Variants in MYCL observed in about 807,000 individuals in gnomAD.
The protein encoded by MYCL is MYCL proto-oncogene, bHLH transcription factor.
MYCL carries 11 observed loss-of-function variants against 31.0 expected under a neutral mutation model. The observed-to-expected ratio is 0.35, with a 90% CI of 0.22 to 0.59. The LOEUF is 0.59. Ranked by LOEUF, MYCL falls within the 20% of genes least tolerant of loss-of-function variation. The pLI is 0.79. For synonymous variants in MYCL, 208 were observed against 202.4 expected (o/e 1.03, Z -0.23); for missense variants, 427 against 486.1 (o/e 0.88, Z 1.14).
At position 39,901,140 on chromosome 1, in the gene MYCL, A is replaced by C. The variant is rs1160687942; in HGVS notation, c.295T>G (p.Phe99Val). 6.2e-7 allele frequency: 1 copy of C among 1,610,988 alleles called. No homozygotes were observed. Among genetic ancestry groups the C allele is most frequent in the East Asian group, 2.2e-5 (1 of 44,748 alleles). ...CTCTCCAGCCGTTCCCGGGCCGAGA[A>C]GCCGCTCCACATGCAGTCACGGCGT... Reference protein sequence around the residue: ...IIRRDCMWSGFSARERLERAV... With the variant: ...IIRRDCMWSGVSARERLERAV... Residue 99 changes from phenylalanine (F) to valine (V), a missense_variant, in exon 1 of 2, where the codon TTC becomes GTC. By Grantham distance (50) the Phe-to-Val change is conservative. Transcript: ENST00000372816. The surrounding 1 kb of genome is among the most constrained non-coding windows in gnomAD (Gnocchi z 6.9).
chr1:39,901,487 G>C lies in MYCL; in HGVS notation c.-53C>G, dbSNP rs747154225. ...GACGTGCTGACCGGGTGCCGGCCGG[G>C]CGAAGGAGGTGTCCCCGGGTCCCTC... On this transcript the variant is annotated 5_prime_UTR_variant, in exon 1 of 2. Transcript: ENST00000372816. The surrounding 1 kb of genome is among the most constrained non-coding windows in gnomAD (Gnocchi z 6.9). 5.7e-6 allele frequency: 9 copies of C among 1,586,296 alleles called. No individual in the cohort carries two copies. Among genetic ancestry groups the C allele is most frequent in the African/African-American group, 2.7e-5 (2 of 74,550 alleles).
intron 1 of MYCL, 71 bp downstream of exon 1, chr1:39,900,868 C>A (rs1212482549): frequency 6.6e-7 from 1 of 1,512,356 alleles, no homozygotes. Flanking sequence ...CAATGCCTGA[C>A]CTCAGGCAGG....
rs1644495127 is a variant in MYCL at position 39,897,599 on chromosome 1, C to T, written c.868G>A (p.Glu290Lys). ...CGCAGGTCATTCCGCCTCTTGCGCT[C>T]CAGGAAGTTGTGATTCTTCCTCTTG... ...VTKRKNHNFL[E>K]RKRRNDLRSR... The change falls in exon 2 of 2, where the codon GAG becomes AAG. Residue 290 changes from glutamate (E) to lysine (K), a missense_variant. Glu to Lys is a moderately conservative substitution (Grantham distance 56). Transcript: ENST00000372816. The surrounding 1 kb of genome is among the most constrained non-coding windows in gnomAD (Gnocchi z 4.3). The T allele has an allele frequency of 6.2e-7, 1 of 1,614,094 alleles. No individual in the cohort carries two copies. Among genetic ancestry groups the T allele is most frequent in the Non-Finnish European group, 8.5e-7 (1 of 1,180,056 alleles).
Position 39,901,564 on chromosome 1 carries a change from G to C in MYCL, c.-130C>G, listed in dbSNP as rs1056415648. 2 of 1,454,908 alleles carry C rather than the reference G, an allele frequency of 1.4e-6. No homozygotes were observed. The highest frequency in any genetic ancestry group is 5.6e-5 in the Admixed American group (2 of 35,914). 90.1% of individuals were successfully genotyped at this position (1,454,908 alleles called of 1,614,324 possible). A position where few individuals can be genotyped will look rare whatever the true frequency, so the allele number is the denominator to read the frequency against. On this transcript the variant is annotated 5_prime_UTR_variant, in exon 1 of 2. Coordinates refer to ENST00000372816, the MANE Select transcript of MYCL (RefSeq NM_001033081.3). This position sits in a 1 kb window ranked among gnomAD's most constrained non-coding sequence, Gnocchi z 6.9. ...TCCTCCCCAACCCCACCAGCTTGCA[G>C]CCTGCGCCCAGTCCTCGCGTCCCGG...
At chr1:39,899,666 T>A in intron 1 of MYCL, 1 of 985,448 alleles carries the variant, frequency 1.0e-6, no homozygotes, top group African/African-American at 1.7e-5. Flanking sequence ...TTTCCAGCCA[T>A]TAAACAAACA....
intron 1 of MYCL, chr1:39,900,040 G>A: frequency 2.0e-6 from 2 of 985,570 alleles, no homozygotes; most frequent in Middle Eastern, 5.2e-4. Flanking sequence ...GATGGGAGAG[G>A]AGGGCCTGGA....
chr1:39,895,574 T>G lies in MYCL; in HGVS notation c.*1798A>C, dbSNP rs1395532842. 1 of 226,400 alleles carries G rather than the reference T, an allele frequency of 4.4e-6. No homozygotes were observed. The highest frequency in any genetic ancestry group is 2.2e-5 in the African/African-American group (1 of 44,692). 14.0% of individuals were successfully genotyped at this position (226,400 alleles called of 1,614,324 possible). ...TTGCAACAGGAAATTGCCCCAAGAG[T>G]TTTTTTCCTTGTACAAAAACAGTTA... On this transcript the variant is annotated 3_prime_UTR_variant, in exon 2 of 2. Transcript: ENST00000372816.
intron 1 of MYCL, chr1:39,899,795 A>G (rs1644517155): frequency 1.0e-6 from 1 of 985,294 alleles, no homozygotes; most frequent in African/African-American, 1.7e-5. Context: ...GAAAACTTCC[A>G]TACCCCATTC....
At position 39,901,678 on chromosome 1, in the gene MYCL, C is replaced by T; in HGVS notation, c.-244G>A. On this transcript the variant is annotated 5_prime_UTR_variant, in exon 1 of 2. Transcript: ENST00000372816. This position sits in a 1 kb window ranked among gnomAD's most constrained non-coding sequence, Gnocchi z 6.9. ...GCAGCGAGTTCAAAGCAAACTTTGCCAGCGCCGCCCGGAGCGCAGCTCCCA... is the reference window on the plus strand; with the variant it reads ...GCAGCGAGTTCAAAGCAAACTTTGCTAGCGCCGCCCGGAGCGCAGCTCCCA... 2.4e-6 allele frequency: 3 copies of T among 1,275,770 alleles called. No homozygotes were observed. Among genetic ancestry groups the T allele is most frequent in the Non-Finnish European group, 3.0e-6 (3 of 1,015,436 alleles). 79.0% of individuals were successfully genotyped at this position (1,275,770 alleles called of 1,614,324 possible).
chr1:39,899,045 A>G (rs1466055720), intron 1 of MYCL: 8 of 985,330 alleles, frequency 8.1e-6, no homozygotes, highest in Non-Finnish European at 9.6e-6. Flanking sequence ...TGTGTGGACA[A>G]TCGCATTATT....
At chr1:39,899,940 T>C in intron 1 of MYCL, 1 of 985,432 alleles carries the variant, frequency 1.0e-6, no homozygotes, top group Non-Finnish European at 1.2e-6. Flanking sequence ...CTCACGGGTG[T>C]GGAGGTCTAA....
Position 39,901,127 on chromosome 1 carries a change from T to G in MYCL, c.308A>C (p.Glu103Ala). The G allele has an allele frequency of 6.2e-7, 1 of 1,606,976 alleles. No individual in the cohort carries two copies. The part of the protein sequence containing the change: ...DCMWSGFSAR[E>A]RLERAVSDRL... ...GTCGCTCACAGCTCTCTCCAGCCGT[T>G]CCCGGGCCGAGAAGCCGCTCCACAT... The change falls in exon 1 of 2, where the codon GAA becomes GCA. Residue 103 changes from glutamate (E) to alanine (A), a missense_variant. Glu to Ala is a moderately radical substitution (Grantham distance 107). Transcript: ENST00000372816. This position sits in a 1 kb window ranked among gnomAD's most constrained non-coding sequence, Gnocchi z 6.9.
Position 39,895,750 on chromosome 1 carries a change from G to A in MYCL, c.*1622C>T. ...CTGTCCTCCATAGACAATTCCAGAA[G>A]TCAGCTGGCTTTTGTAAACCATGCT... On this transcript the variant is annotated 3_prime_UTR_variant, in exon 2 of 2. Transcript: ENST00000372816. The A allele has an allele frequency of 8.8e-6, 2 of 227,670 alleles. No individual in the cohort carries two copies. Among genetic ancestry groups the A allele is most frequent in the Non-Finnish European group, 1.7e-5 (2 of 114,642 alleles). 14.1% of individuals were successfully genotyped at this position (227,670 alleles called of 1,614,324 possible).
At position 39,901,780 on chromosome 1, in the gene MYCL, C is replaced by A; in HGVS notation, c.-346G>T. The A allele has an allele frequency of 7.9e-7, 1 of 1,266,716 alleles. No homozygotes were observed. The highest frequency in any genetic ancestry group is 1.9e-5 in the South Asian group (1 of 52,392). 78.5% of individuals were successfully genotyped at this position (1,266,716 alleles called of 1,614,324 possible). A position where few individuals can be genotyped will look rare whatever the true frequency, so the allele number is the denominator to read the frequency against. On this transcript the variant is annotated 5_prime_UTR_variant, in exon 1 of 2. Coordinates refer to ENST00000372816, the MANE Select transcript of MYCL (RefSeq NM_001033081.3). The surrounding 1 kb of genome is among the most constrained non-coding windows in gnomAD (Gnocchi z 6.9). ...GCCAGCCCGCACCGCGGGACCCGCG[C>A]CCGTGCCCTGGCCACCCGCAGCCTC... is the stretch of plus-strand genomic sequence containing the variant.
In MYCL at chr1:39,898,968, AAG is replaced by A. The variant is rs375070648; in HGVS notation, c.497-1000_497-999del. The A allele has an allele frequency of 2.3e-3, 2,247 of 985,422 alleles. 4 individuals carry two copies. The highest frequency in any genetic ancestry group is 2.5e-3 in the Non-Finnish European group (2,038 of 829,930). 61.0% of individuals were successfully genotyped at this position (985,422 alleles called of 1,614,324 possible). A position where few individuals can be genotyped will look rare whatever the true frequency, so the allele number is the denominator to read the frequency against. On this transcript the variant is annotated intron_variant, in intron 1 of 1. Transcript: ENST00000372816. ...TTAATGGATCTCGGCCTCGCAAAGG[AAG>A]AGCTCCGTTCTCAGCTTCTTTGCAT... is the stretch of plus-strand genomic sequence containing the variant.
Position 39,901,818 on chromosome 1 carries a change from C to T in MYCL, c.-384G>A, listed in dbSNP as rs2124721906. 3.1e-6 allele frequency: 4 copies of T among 1,276,574 alleles called. No homozygotes were observed. Among genetic ancestry groups the T allele is most frequent in the Non-Finnish European group, 3.0e-6 (3 of 1,000,192 alleles). The allele number at this position is 1,276,574 out of a possible 1,614,324, so 79.1% of individuals were successfully genotyped here. ...CACCCGCAGCCTCACCTCGCTCCAG[C>T]CGCCCGCCACCTGGAGCGGACCGGC... is the stretch of plus-strand genomic sequence containing the variant. On this transcript the variant is annotated 5_prime_UTR_variant, in exon 1 of 2. Coordinates refer to ENST00000372816, the MANE Select transcript of MYCL (RefSeq NM_001033081.3). The surrounding 1 kb of genome is among the most constrained non-coding windows in gnomAD (Gnocchi z 6.9).
rs1294342213 is a variant in MYCL at position 39,901,017 on chromosome 1, G to A, written c.418C>T (p.Pro140Ser). 5 of 1,495,594 alleles carry A rather than the reference G, an allele frequency of 3.3e-6. No individual in the cohort carries two copies. Among genetic ancestry groups the A allele is most frequent in the Non-Finnish European group, 4.4e-6 (5 of 1,124,060 alleles). The allele number at this position is 1,495,594 out of a possible 1,614,324, so 92.6% of individuals were successfully genotyped here. A position where few individuals can be genotyped will look rare whatever the true frequency, so the allele number is the denominator to read the frequency against. The change falls in exon 1 of 2, where the codon CCG (proline) becomes TCG (serine). Residue 140 changes from proline to serine, a missense_variant. By Grantham distance (74) the Pro-to-Ser change is moderately conservative. Transcript: ENST00000372816. The surrounding 1 kb of genome is among the most constrained non-coding windows in gnomAD (Gnocchi z 6.9). ...DCTPSLEAGNPAPAAPCPLGE... is the reference protein window; with the variant it reads ...DCTPSLEAGNSAPAAPCPLGE... ...AGCGGACAGGGGGCGGCGGGCGCCG[G>A]GTTGCCGGCTTCGAGGCTGGGAGTG... is the stretch of plus-strand genomic sequence containing the variant.
intron 1 of MYCL, chr1:39,900,012 G>A (rs1390721838): frequency 8.1e-6 from 8 of 985,504 alleles, no homozygotes; most frequent in Non-Finnish European, 9.6e-6. Context: ...CCCTCAGCGA[G>A]GTTGCACTTG....
At chr1:39,900,400 T>C in intron 1 of MYCL, 1 of 988,170 alleles carries the variant, frequency 1.0e-6, no homozygotes, top group Non-Finnish European at 1.2e-6. Flanking sequence ...CCTCCCTGTC[T>C]CAGGGATGCA....
Sources: gnomAD v4.1 joint callset for allele counts on GRCh38, gnomAD v4.1.1 for gene constraint, Gnocchi (gnomAD v3.1) non-coding constraint, MANE v1.5 for transcripts, NCBI Gene and HGNC (gene_info 2026-07-23, HGNC 2026-07-21) for gene names.